ACYP1: variants seen among roughly 807,000 people sequenced by gnomAD.
ACYP1 encodes the protein acylphosphatase 1.
A neutral mutation model predicts 10.4 loss-of-function variants in ACYP1; 8 were observed. The observed-to-expected ratio is 0.77, with a 90% CI of 0.45 to 1.38. The LOEUF is 1.38. ACYP1 is among the 40% of genes most tolerant of loss of function. ACYP1 has a pLI of 0.00. For missense variants in ACYP1, 93 were observed against 117.3 expected, an observed-to-expected ratio of 0.79 and a Z score of 0.96; for synonymous variants, 38 against 40.8, an observed-to-expected ratio of 0.93 and a Z score of 0.26.
At chr14:75,057,991 A>AAAAC (rs1248077503) in intron 2 of ACYP1, among the ~76,000 whole-genome samples, 1 of 147,502 alleles carries the variant, frequency 6.8e-6, no homozygotes, top group East Asian at 2.0e-4. Flanking sequence ...AAAAAAAAGA[A>AAAAC]CTACCTGCTG....
At chr14:75,067,098 C>T (rs143379658), upstream of ACYP1, among the ~76,000 whole-genome samples, 230 of 151,728 alleles carry the variant, frequency 1.5e-3, no homozygotes, top group African/African-American at 5.3e-3. Context: ...AAGACTAAAG[C>T]TAAGCTGGCT....
chr14:75,063,844 G>A (rs1319861309), intron 1 of ACYP1, 110 bp downstream of exon 1: 2 of 814,620 alleles, frequency 2.5e-6, no homozygotes, highest in East Asian at 6.0e-5. Context: ...GCCCGGTCCC[G>A]CTCCCTCACT....
chr14:75,065,391 C>A (rs1203175079), upstream of ACYP1, among the ~76,000 whole-genome samples: 2 of 152,316 alleles, frequency 1.3e-5, no homozygotes, highest in African/African-American at 4.8e-5. Context: ...GAGAATCATA[C>A]AACCTTAGTG....
At chr14:75,058,044 G>A (rs1389421186) in intron 2 of ACYP1, among the ~76,000 whole-genome samples, 5 of 148,254 alleles carry the variant, frequency 3.4e-5, no homozygotes, top group Non-Finnish European at 7.4e-5. Context: ...TTTGACTCAT[G>A]ATTCTGTAGA....
At chr14:75,057,016 C>T (rs984578792) in intron 2 of ACYP1, among the ~76,000 whole-genome samples, 1 of 151,564 alleles carries the variant, frequency 6.6e-6, no homozygotes, top group Non-Finnish European at 1.5e-5. Context: ...GGTCTATCCA[C>T]AGCAGGAGAA....
At chr14:75,055,775 G>A (rs1420061132) in intron 2 of ACYP1, among the ~76,000 whole-genome samples, 1 of 151,384 alleles carries the variant, frequency 6.6e-6, no homozygotes, top group Non-Finnish European at 1.5e-5. Flanking sequence ...AGGAAATAAA[G>A]ATTAGAGCAG....
At chr14:75,055,872 C>T (rs1294524473) in intron 2 of ACYP1, among the ~76,000 whole-genome samples, 1 of 151,356 alleles carries the variant, frequency 6.6e-6, no homozygotes, top group Non-Finnish European at 1.5e-5. Context: ...CAACCTTTAG[C>T]TAGACTGATA....
chr14:75,056,891 A>C (rs1173759241), intron 2 of ACYP1, among the ~76,000 whole-genome samples: 1 of 151,690 alleles, frequency 6.6e-6, no homozygotes, highest in East Asian at 1.9e-4. Flanking sequence ...GGAATCTGTG[A>C]AAAACCCACT....
intron 2 of ACYP1, among the ~76,000 whole-genome samples, chr14:75,059,099 C>T (rs961392059): frequency 8.2e-5 from 12 of 145,976 alleles, no homozygotes; most frequent in African/African-American, 2.8e-4. Context: ...TCAGGAGAAT[C>T]GCTTGAACCC....
At chr14:75,065,351 T>C (rs1031764131), upstream of ACYP1, among the ~76,000 whole-genome samples, 1 of 152,224 alleles carries the variant, frequency 6.6e-6, no homozygotes, top group Non-Finnish European at 1.5e-5. Flanking sequence ...ATTCTGCTAG[T>C]TCCCCGCTAG....
chr14:75,053,447 T>G lies in ACYP1; in HGVS notation c.297A>C (p.Lys99Asn), dbSNP rs755433257. 14 of 1,613,886 alleles carry G rather than the reference T, an allele frequency of 8.7e-6. No individual in the cohort carries two copies. The South Asian group carries it at 1.5e-4, about 18-fold the overall frequency. Residue 99 changes from lysine (K) to asparagine (N), a missense_variant, in exon 3 of 3, where the codon AAA becomes AAC. Transcript: ENST00000238618. ...KLDYSDFQIV[K>N] ...TAGAAAACTTAAATTCAGGCCATTA[T>G]TTTACAATTTGGAAGTCTGAGTAAT... is the stretch of plus-strand genomic sequence containing the variant.
chr14:75,058,956 T>A (rs1205076927), intron 2 of ACYP1, among the ~76,000 whole-genome samples: 1 of 151,962 alleles, frequency 6.6e-6, no homozygotes, highest in Non-Finnish European at 1.5e-5. Context: ...TCCCAGCACT[T>A]TGGGAGGCTG....
chr14:75,056,082 A>G (rs1892870243), intron 2 of ACYP1, among the ~76,000 whole-genome samples: 1 of 151,504 alleles, frequency 6.6e-6, no homozygotes, highest in Non-Finnish European at 1.5e-5. Flanking sequence ...GAAGAAATAG[A>G]AAGTCTGAAT....
Position 75,053,529 on chromosome 14 carries a change from G to C in ACYP1, c.215C>G (p.Pro72Arg), listed in dbSNP as rs762735998. 3 of 1,614,158 alleles carry C rather than the reference G, an allele frequency of 1.9e-6. No homozygotes were observed. The Admixed American group carries it at 5.0e-5, about 27-fold the overall frequency. The change falls in exon 3 of 3, where the codon CCT (proline) becomes CGT (arginine). Residue 72 changes from proline to arginine, a missense_variant. By Grantham distance (103) the Pro-to-Arg change is moderately radical (BLOSUM62 -2). Transcript: ENST00000238618. ...GTTTGCTTTGTCGATGTGTGATTTA[G>C]GACTTCCTCTTGTTTCAAGCCATTC... ...MQEWLETRGS[P>R]KSHIDKANFN...
intron 2 of ACYP1, among the ~76,000 whole-genome samples, chr14:75,060,750 T>TGTG (rs1276288706): frequency 2.0e-5 from 3 of 152,174 alleles, no homozygotes; most frequent in African/African-American, 7.2e-5. Context: ...AGGCCACATT[T>TGTG]GTATGATTCC....
chr14:75,055,163 T>C lies in ACYP1; in HGVS notation c.85-1504A>G, dbSNP rs1008753660. 2.2e-5 allele frequency among the ~76,000 whole-genome samples: 3 copies of C among 137,336 alleles called. No individual in the cohort carries two copies. The East Asian group carries it at 7.0e-4, about 32-fold the overall frequency. 90.1% of individuals were successfully genotyped at this position (137,336 alleles called of 152,430 possible). A position where few individuals can be genotyped will look rare whatever the true frequency, so the allele number is the denominator to read the frequency against. On this transcript the variant is annotated intron_variant, in intron 2 of 2. Transcript: ENST00000238618. ...GTGCAGTGGCGTGATCTCAGCTCAC[T>C]GCAAGCTCCGCCTCCCAGGTTTATG...
chr14:75,055,536 A>G lies in ACYP1; in HGVS notation c.85-1877T>C, dbSNP rs886691648. Among the ~76,000 whole-genome samples the G allele has an allele frequency of 2.6e-5, 4 of 151,414 alleles. 1 individual carries two copies. The highest frequency in any genetic ancestry group is 9.8e-5 in the African/African-American group (4 of 40,870). On this transcript the variant is annotated intron_variant, in intron 2 of 2. Coordinates refer to ENST00000238618, the MANE Select transcript of ACYP1 (RefSeq NM_001107.5). ...GTTATTGACTCATGTTCAGTTTTGA[A>G]TATCTATTGCACCAACAGGGTTTTT...
rs7303 is a variant in ACYP1, at chr14:75,053,362, T to C, written c.*82A>G. The stretch of plus-strand genomic sequence containing the variant: ...AAAATAACTTATTGACTAATGCTAA[T>C]ATTAACACACAATAGTTCTATCTCT... On this transcript the variant is annotated 3_prime_UTR_variant, in exon 3 of 3. Transcript: ENST00000238618. 0.49 allele frequency: 609,910 copies of C among 1,253,614 alleles called. 155,487 individuals are homozygous for C. Among genetic ancestry groups the C allele is most frequent in the East Asian group, 0.83 (35,767 of 43,156 alleles). The allele number at this position is 1,253,614 out of a possible 1,614,324, so 77.7% of individuals were successfully genotyped here. A position where few individuals can be genotyped will look rare whatever the true frequency, so the allele number is the denominator to read the frequency against.
rs569004066 is a variant in ACYP1 at position 75,057,661 on chromosome 14, C to T, written c.85-4002G>A. ...ATAAGGATAGTGGCTTAGACCATTT[C>T]GTGTTGCTATAAAGAACTACCTGAG... On this transcript the variant is annotated intron_variant, in intron 2 of 2. Transcript: ENST00000238618. 3.4e-4 allele frequency among the ~76,000 whole-genome samples: 51 copies of T among 151,354 alleles called. 1 individual carries two copies. Among genetic ancestry groups the T allele is most frequent in the African/African-American group, 1.2e-3 (50 of 40,920 alleles).
Sources: gnomAD v4.1 joint callset for allele counts (sites outside exome capture counted in the v4.1 genomes callset) on GRCh38, gnomAD v4.1.1 for gene constraint, MANE v1.5 for transcripts, NCBI Gene and HGNC (gene_info 2026-07-23, HGNC 2026-07-21) for gene names.